COL4A4: variants seen among roughly 807,000 people sequenced by gnomAD.
COL4A4 encodes the protein collagen type IV alpha 4 chain, also known as collagen alpha-4(IV) chain.
Under a neutral mutation model 192.9 loss-of-function variants are expected in COL4A4, and 105 were observed. The ratio of observed to expected loss-of-function variants is 0.54; its 90% CI spans 0.46 to 0.64. COL4A4 has a LOEUF of 0.64. Ranked by LOEUF, COL4A4 falls within the 30% of genes least tolerant of loss-of-function variation. COL4A4 has a pLI of 0.00. For missense variants in COL4A4, 1,967 were observed against 2,169.3 expected (o/e 0.91, Z 1.85); for synonymous variants, 762 against 769.9 (o/e 0.99, Z 0.17).
chr2:227,100,860 A>G (rs1266675150), intron 17 of COL4A4, among the ~76,000 whole-genome samples: 1 of 150,536 alleles, frequency 6.6e-6, no homozygotes, highest in Non-Finnish European at 1.5e-5. Flanking sequence ...GATGGAGTGC[A>G]GTGGTGTGAT....
intron 3 of COL4A4, among the ~76,000 whole-genome samples, chr2:227,143,905 C>A (rs909225742): frequency 8.5e-5 from 13 of 152,224 alleles, no homozygotes; most frequent in Admixed American, 3.3e-4. Flanking sequence ...AAAAGGAGAA[C>A]AGAAGGTAAT....
intron 25 of COL4A4, among the ~76,000 whole-genome samples, chr2:227,071,535 A>G (rs1401544730): frequency 2.0e-5 from 3 of 150,950 alleles, no homozygotes; most frequent in Admixed American, 2.0e-4. Flanking sequence ...TAAGTGACAC[A>G]CTAGAGCAAA....
chr2:227,041,899 A>G (rs1971482843), intron 37 of COL4A4, among the ~76,000 whole-genome samples: 1 of 150,192 alleles, frequency 6.7e-6, no homozygotes, highest in Non-Finnish European at 1.5e-5. Flanking sequence ...AGAAAGAAAG[A>G]AAGAAAGAAA....
chr2:227,156,750 T>A (rs2064387201), intron 1 of COL4A4, among the ~76,000 whole-genome samples: 1 of 152,132 alleles, frequency 6.6e-6, no homozygotes, highest in Non-Finnish European at 1.5e-5. Context: ...GGATAGGCAG[T>A]GACCCTTGAT....
At chr2:226,972,074 C>T in the COL4A4 span, among the ~76,000 whole-genome samples, 51 of 152,188 alleles carry the variant, frequency 3.4e-4, no homozygotes, top group Non-Finnish European at 5.6e-4. Context: ...GCTTTCCATC[C>T]CCTTGCCCCC....
At position 227,143,009 on chromosome 2, in the gene COL4A4, C is replaced by T. The variant is rs190582390; in HGVS notation, c.114+1507G>A. Among the ~76,000 whole-genome samples, 192 of 146,358 alleles carry T rather than the reference C, an allele frequency of 1.3e-3. 1 individual carries two copies. The highest frequency in any genetic ancestry group is 5.2e-3 in the African/African-American group (185 of 35,720). On this transcript the variant is annotated intron_variant, in intron 3 of 47. Transcript: ENST00000396625. ...CATACAATGACCTCATTCACACACACACACACACACGCACACACAGAGGCA... is the reference window on the plus strand; with the variant it reads ...CATACAATGACCTCATTCACACACATACACACACACGCACACACAGAGGCA...
At chr2:227,038,789 G>T (rs531017109) in intron 37 of COL4A4, among the ~76,000 whole-genome samples, 1 of 152,314 alleles carries the variant, frequency 6.6e-6, no homozygotes, top group Non-Finnish European at 1.5e-5. Context: ...AGAACATACT[G>T]CAAATATTTA....
intron 37 of COL4A4, among the ~76,000 whole-genome samples, chr2:227,035,460 AACAG>A (rs1210436784): frequency 1.3e-5 from 2 of 152,052 alleles, no homozygotes; most frequent in Admixed American, 6.6e-5. Flanking sequence ...CAGTACTTGA[AACAG>A]ACAGTCATTA....
intron 2 of COL4A4, among the ~76,000 whole-genome samples, chr2:227,145,797 C>T (rs1576859269): frequency 6.6e-6 from 1 of 152,174 alleles, no homozygotes. Flanking sequence ...TAACTGGGTC[C>T]AGCCCATACT....
intron 1 of COL4A4, among the ~76,000 whole-genome samples, chr2:227,157,811 T>A (rs1576945701): frequency 6.6e-6 from 1 of 152,056 alleles, no homozygotes; most frequent in Non-Finnish European, 1.5e-5. Flanking sequence ...GCTTTACTAG[T>A]GAATTCTATC....
chr2:227,063,161 A>G (rs1977562973), intron 25 of COL4A4, among the ~76,000 whole-genome samples: 1 of 152,168 alleles, frequency 6.6e-6, no homozygotes, highest in South Asian at 2.1e-4. Context: ...ATGACTTCAC[A>G]ATCTAGTAGC....
At chr2:227,110,530 G>A (rs1419402294) in intron 9 of COL4A4, among the ~76,000 whole-genome samples, 3 of 151,930 alleles carry the variant, frequency 2.0e-5, no homozygotes, top group African/African-American at 4.8e-5. Flanking sequence ...TTACAGCCAC[G>A]CACCACCACG....
chr2:227,098,048 C>G (rs1319091356), intron 19 of COL4A4, among the ~76,000 whole-genome samples: 2 of 152,242 alleles, frequency 1.3e-5, no homozygotes, highest in East Asian at 3.8e-4. Flanking sequence ...CAACAGGACT[C>G]TTTCCCAGGC....
intron 25 of COL4A4, among the ~76,000 whole-genome samples, chr2:227,068,404 AG>A (rs2058487658): frequency 6.6e-6 from 1 of 152,234 alleles, no homozygotes; most frequent in African/African-American, 2.4e-5. Context: ...AGCCAGGCAG[AG>A]ACACAACCAA....
chr2:227,072,953 A>G (rs550989625), intron 25 of COL4A4, among the ~76,000 whole-genome samples: 2 of 152,266 alleles, frequency 1.3e-5, no homozygotes, highest in East Asian at 3.9e-4. Context: ...GGAATGGAAA[A>G]AAGTTGAAAG....
intron 1 of COL4A4, among the ~76,000 whole-genome samples, chr2:227,155,626 G>A (rs902384769): frequency 7.9e-5 from 12 of 152,108 alleles, no homozygotes; most frequent in South Asian, 2.1e-4. Flanking sequence ...TGCCTTGGGC[G>A]TGAACTCCAG....
At position 227,123,149 on chromosome 2, in the gene COL4A4, A is replaced by G. The variant is rs944443680; in HGVS notation, c.193-2001T>C. On this transcript the variant is annotated intron_variant, in intron 4 of 47. Coordinates refer to ENST00000396625, the MANE Select transcript of COL4A4 (RefSeq NM_000092.5). This position sits in a 1 kb window ranked among gnomAD's most constrained non-coding sequence, Gnocchi z 4.6. ...CCAAAGTGCTGGAATTACAGGTGTA[A>G]GCCACCATGCCCAGGTGGGATGTCA... 2.6e-5 allele frequency among the ~76,000 whole-genome samples: 4 copies of G among 152,186 alleles called. No homozygotes were observed. The highest frequency in any genetic ancestry group is 2.6e-4 in the Admixed American group (4 of 15,284).
Position 227,004,418 on chromosome 2 carries a change from C to T in COL4A4, c.*2907G>A, listed in dbSNP as rs771932798. The T allele has an allele frequency of 2.0e-5, 3 of 152,236 alleles. No homozygotes were observed. The highest frequency in any genetic ancestry group is 4.8e-5 in the African/African-American group (2 of 41,436). The allele number at this position is 152,236 out of a possible 1,614,324, so 9.4% of individuals were successfully genotyped here. A position where few individuals can be genotyped will look rare whatever the true frequency, so the allele number is the denominator to read the frequency against. On this transcript the variant is annotated 3_prime_UTR_variant, in exon 48 of 48. Transcript: ENST00000396625. The stretch of plus-strand genomic sequence containing the variant: ...AGGAAATACTCCTAGAGGGAACCCT[C>T]GAACAGTCCCCACTGGACCTTTCAC...
intron 31 of COL4A4, 107 bp from the exon 32 acceptor site, chr2:227,052,519 A>G (rs1974340500): frequency 2.7e-6 from 2 of 741,838 alleles, no homozygotes; most frequent in Admixed American, 3.9e-5. Context: ...TTAACCTACG[A>G]AGCTCTATTT....
Sources: gnomAD v4.1 joint callset for allele counts (sites outside exome capture counted in the v4.1 genomes callset) on GRCh38, gnomAD v4.1.1 for gene constraint, Gnocchi (gnomAD v3.1) non-coding constraint, MANE v1.5 for transcripts, NCBI Gene and HGNC (gene_info 2026-07-23, HGNC 2026-07-21) for gene names.